Variants in CTSO observed in about 807,000 individuals in gnomAD.
The protein encoded by CTSO is cathepsin O.
CTSO carries 40 observed loss-of-function variants against 42.4 expected under a neutral mutation model. The observed-to-expected ratio is 0.94, with a 90% CI of 0.73 to 1.23. CTSO has a LOEUF of 1.23. Ranked by LOEUF, CTSO falls within the 50% of genes most tolerant of loss-of-function variation. CTSO has a pLI of 0.00. For synonymous variants in CTSO, 156 were observed against 146.2 expected, an observed-to-expected ratio of 1.07 and a Z score of -0.48; for missense variants, 441 against 396.0, an observed-to-expected ratio of 1.11 and a Z score of -0.96.
At chr4:155,927,259 G>T (rs564534756) in intron 7 of CTSO, among the ~76,000 whole-genome samples, 36 of 152,124 alleles carry the variant, frequency 2.4e-4, no homozygotes, top group Non-Finnish European at 4.1e-4. Flanking sequence ...TAATCTGAAA[G>T]ATTCTGCATT....
At chr4:155,932,800 T>C (rs1743259330) in intron 5 of CTSO, among the ~76,000 whole-genome samples, 1 of 152,122 alleles carries the variant, frequency 6.6e-6, no homozygotes, top group Non-Finnish European at 1.5e-5. Flanking sequence ...CCATTACCAG[T>C]CTTTCCTGGG....
chr4:155,938,856 C>A (rs534964854), intron 4 of CTSO, among the ~76,000 whole-genome samples: 1 of 152,200 alleles, frequency 6.6e-6, no homozygotes, highest in East Asian at 1.9e-4. Flanking sequence ...ACTCCGGAGG[C>A]TGAAGCAGCA....
intron 1 of CTSO, 28 bp from the exon 2 acceptor site, chr4:155,943,292 A>C: frequency 7.3e-7 from 1 of 1,374,898 alleles, no homozygotes; most frequent in Non-Finnish European, 1.0e-6. Flanking sequence ...ACTATTTCAT[A>C]TCCACTATGT....
intron 1 of CTSO, among the ~76,000 whole-genome samples, chr4:155,950,727 C>T (rs1327682135): frequency 6.6e-6 from 1 of 151,960 alleles, no homozygotes; most frequent in Non-Finnish European, 1.5e-5. Flanking sequence ...ATCATAGGAG[C>T]ACAAACCCTA....
rs2110927847 is a variant in CTSO at position 155,943,265 on chromosome 4, C to T, written c.136-1G>A. The T allele has an allele frequency of 6.3e-7, 1 of 1,585,552 alleles. No homozygotes were observed. Among genetic ancestry groups the T allele is most frequent in the Non-Finnish European group, 8.6e-7 (1 of 1,157,800 alleles). On this transcript the variant is annotated splice_acceptor_variant, in intron 1 of 7. Transcript: ENST00000433477. LOFTEE classifies it high-confidence loss of function. ...AGTATCGATGTCTATTAAGACTTTC[C>T]TAGAAGAAAAACAAAAACTATTTCA...
chr4:155,941,867 C>T (rs1316165473), intron 3 of CTSO, among the ~76,000 whole-genome samples: 4 of 152,148 alleles, frequency 2.6e-5, no homozygotes, highest in Admixed American at 2.0e-4. Flanking sequence ...CCAGGAGATT[C>T]GGCCACACTG....
chr4:155,926,679 T>A (rs1220372472), intron 7 of CTSO, among the ~76,000 whole-genome samples: 1 of 152,162 alleles, frequency 6.6e-6, no homozygotes, highest in East Asian at 1.9e-4. Flanking sequence ...CAGGGAATAC[T>A]CACTTTCAGG....
In CTSO at chr4:155,937,353, G is replaced by A. The variant is rs769248102; in HGVS notation, c.674+9C>T. 3 of 1,594,050 alleles carry A rather than the reference G, an allele frequency of 1.9e-6. No individual in the cohort carries two copies. The highest frequency in any genetic ancestry group is 2.2e-5 in the East Asian group (1 of 44,642). ...TATAAAGAAAAACATAATACAATAA[G>A]ATCTTTACCTGAAGTCATATGCAGA... On this transcript the variant is annotated intron_variant, in intron 5 of 7. Coordinates refer to ENST00000433477, the MANE Select transcript of CTSO (RefSeq NM_001334.3).
intron 5 of CTSO, among the ~76,000 whole-genome samples, chr4:155,930,599 G>T (rs998883219): frequency 2.6e-5 from 4 of 152,142 alleles, no homozygotes; most frequent in Non-Finnish European, 5.9e-5. Flanking sequence ...AAACTATTAA[G>T]ATAACATTTG....
intron 5 of CTSO, among the ~76,000 whole-genome samples, chr4:155,932,284 T>A (rs1450759944): frequency 6.6e-6 from 1 of 152,162 alleles, no homozygotes; most frequent in Non-Finnish European, 1.5e-5. Context: ...CACATGACGT[T>A]ACCAATAGTG....
intron 1 of CTSO, among the ~76,000 whole-genome samples, chr4:155,951,899 C>T (rs886390489): frequency 6.6e-6 from 1 of 152,110 alleles, no homozygotes; most frequent in African/African-American, 2.4e-5. Flanking sequence ...CCATCTCCCC[C>T]ACTTCCCTCC....
Position 155,928,259 on chromosome 4 carries a change from T to C in CTSO, c.931+77A>G, listed in dbSNP as rs1743165294. On this transcript the variant is annotated intron_variant, in intron 7 of 7. Coordinates refer to ENST00000433477, the MANE Select transcript of CTSO (RefSeq NM_001334.3). ...ATTATTACTGCTAAAGTGGTTTGAG[T>C]AGATTGTAACTCTAAAATATTCAAA... The C allele has an allele frequency of 4.7e-6, 5 of 1,059,822 alleles. No homozygotes were observed. The Admixed American group carries it at 1.2e-4, about 25-fold the overall frequency. The allele number at this position is 1,059,822 out of a possible 1,614,324, so 65.7% of individuals were successfully genotyped here.
rs1579352693 is a variant in CTSO at position 155,953,837 on chromosome 4, C to T, written c.11G>A (p.Arg4Gln). The change falls in exon 1 of 8, where the codon CGG becomes CAG. Residue 4 changes from arginine (R) to glutamine (Q), a missense_variant. Arg to Gln is a conservative substitution (Grantham distance 43). Transcript: ENST00000433477. MDV[R>Q]ALPWLPWLLW... is the part of the protein sequence containing the mutation. ...CAGCCACGGCAGCCACGGCAGCGCC[C>T]GCACGTCCATTGCGGCGCCCGGCTC... 5 of 1,293,552 alleles carry T rather than the reference C, an allele frequency of 3.9e-6. No individual in the cohort carries two copies. The highest frequency in any genetic ancestry group is 2.5e-5 in the South Asian group (1 of 40,300). The allele number at this position is 1,293,552 out of a possible 1,614,324, so 80.1% of individuals were successfully genotyped here. A position where few individuals can be genotyped will look rare whatever the true frequency, so the allele number is the denominator to read the frequency against.
In CTSO at chr4:155,943,222, T is replaced by C; in HGVS notation, c.178A>G (p.Ser60Gly). The stretch of plus-strand genomic sequence containing the variant: ...CCATAGAAGGCGGTGGAGTTTTCAC[T>C]GGGAAATAAAGAATTCAAGTATCGA... Reference protein sequence around the residue: ...RHRYLNSLFPSENSTAFYGIN... With the variant: ...RHRYLNSLFPGENSTAFYGIN... The change falls in exon 2 of 8, where the codon AGT becomes GGT. Residue 60 changes from serine (S) to glycine (G), a missense_variant. By Grantham distance (56) the Ser-to-Gly change is moderately conservative (BLOSUM62 0). Transcript: ENST00000433477. 6.2e-7 allele frequency: 1 copy of C among 1,612,250 alleles called. No homozygotes were observed. The highest frequency in any genetic ancestry group is 8.5e-7 in the Non-Finnish European group (1 of 1,178,668).
In CTSO at chr4:155,953,788, G is replaced by A. The variant is rs1485095810; in HGVS notation, c.60C>T (p.Gly20=). The change falls in exon 1 of 8, where the codon GGC becomes GGT. Residue 20 remains glycine (G), a synonymous_variant. Transcript: ENST00000433477. ...AGGGGGCGCGGGAGTCCGCATCGCC[G>A]CCGCCCCGGCACAGCAGCCACAGCA... The part of the protein sequence containing the change: ...PWLLWLLCRG[G]GDADSRAPFT... 3.7e-6 allele frequency: 5 copies of A among 1,342,028 alleles called. No homozygotes were observed. The highest frequency in any genetic ancestry group is 6.1e-5 in the Admixed American group (2 of 32,884). The allele number at this position is 1,342,028 out of a possible 1,614,324, so 83.1% of individuals were successfully genotyped here. A position where few individuals can be genotyped will look rare whatever the true frequency, so the allele number is the denominator to read the frequency against.
At position 155,941,958 on chromosome 4, in the gene CTSO, C is replaced by T. The variant is rs148834962; in HGVS notation, c.384+359G>A. Among the ~76,000 whole-genome samples the T allele has an allele frequency of 9.8e-3, 1,495 of 151,966 alleles. 10 individuals carry two copies. The highest frequency in any genetic ancestry group is 0.014 in the Non-Finnish European group (927 of 67,964). ...TTAAGCCTTTAGTGCTCATGTTTAC[C>T]TTCTCCAGCCTCTCATCTGCTATTG... is the stretch of plus-strand genomic sequence containing the variant. On this transcript the variant is annotated intron_variant, in intron 3 of 7. Coordinates refer to ENST00000433477, the MANE Select transcript of CTSO (RefSeq NM_001334.3).
At chr4:155,935,550 T>C (rs1004578107) in intron 5 of CTSO, among the ~76,000 whole-genome samples, 3 of 152,034 alleles carry the variant, frequency 2.0e-5, no homozygotes, top group African/African-American at 7.2e-5. Context: ...TTTCAGTGAG[T>C]GAGGCCCTGC....
At chr4:155,937,226 G>T in intron 5 of CTSO, 136 bp downstream of exon 5, 1 of 566,598 alleles carries the variant, frequency 1.8e-6, no homozygotes, top group Non-Finnish European at 3.0e-6. Flanking sequence ...CATTGTAATT[G>T]CTACTCTTTC....
At chr4:155,953,664 AG>A (rs1376615643) in intron 1 of CTSO, 48 bp downstream of exon 1, 1 of 1,236,252 alleles carries the variant, frequency 8.1e-7, no homozygotes. Flanking sequence ...GACCCGGGAC[AG>A]GAAGTGAGGG....
Sources: allele counts gnomAD v4.1 joint callset (sites outside exome capture counted in the v4.1 genomes callset), GRCh38; gene constraint gnomAD v4.1.1; transcripts MANE v1.5; gene names NCBI Gene and HGNC (gene_info 2026-07-23, HGNC 2026-07-21).